The following RAD51AP1 variants were observed in gnomAD, a reference collection of about 807,000 sequenced individuals.
The protein encoded by RAD51AP1 is RAD51-associated protein 1.
In RAD51AP1, 14 loss-of-function variants were observed where a neutral mutation model predicts 34.3. The observed-to-expected ratio is 0.41, with a 90% CI of 0.27 to 0.64. The LOEUF (loss-of-function observed/expected upper bound fraction) is 0.64. Ranked by LOEUF, RAD51AP1 falls within the 30% of genes least tolerant of loss-of-function variation. The pLI is 0.33. For missense variants in RAD51AP1, 348 were observed against 386.9 expected (o/e 0.90, Z 0.84); for synonymous variants, 114 against 129.8 (o/e 0.88, Z 0.83).
At chr12:4,544,632 A>G (rs1031997218) in intron 3 of RAD51AP1, among the ~76,000 whole-genome samples, 32 of 151,936 alleles carry the variant, frequency 2.1e-4, no homozygotes, top group African/African-American at 7.5e-4. Context: ...ATTACATTTT[A>G]AATATATAGA....
intron 3 of RAD51AP1, 120 bp downstream of exon 3, chr12:4,544,024 G>T: frequency 1.3e-6 from 1 of 753,492 alleles, no homozygotes; most frequent in East Asian, 3.1e-5. Context: ...TATTTTACTA[G>T]GTGCAGTCAG....
At chr12:4,552,768 C>G (rs1448508034) in intron 6 of RAD51AP1, among the ~76,000 whole-genome samples, 1 of 152,104 alleles carries the variant, frequency 6.6e-6, no homozygotes, top group Non-Finnish European at 1.5e-5. Context: ...ACAGTTATCC[C>G]CATTTTCTAG....
chr12:4,550,744 A>G (rs867372282), intron 6 of RAD51AP1, among the ~76,000 whole-genome samples: 3 of 151,950 alleles, frequency 2.0e-5, no homozygotes, highest in South Asian at 2.1e-4. Context: ...GGTTCAAGCA[A>G]TTCTTGTGTC....
At chr12:4,553,848 G>A (rs1238193359) in intron 7 of RAD51AP1, among the ~76,000 whole-genome samples, 1 of 152,002 alleles carries the variant, frequency 6.6e-6, no homozygotes, top group East Asian at 1.9e-4. Context: ...TCATTTTTAT[G>A]TCTTGGTTTA....
At chr12:4,548,558 T>C (rs1178348246) in intron 5 of RAD51AP1, 129 bp from the exon 6 acceptor site, 7 of 1,104,626 alleles carry the variant, frequency 6.3e-6, no homozygotes, top group Non-Finnish European at 9.1e-6. Flanking sequence ...TAATAGTCTA[T>C]TACTGGAAGC....
rs778235992 is a variant in RAD51AP1 at position 4,543,838 on chromosome 12, CA to C, written c.147del (p.Lys49AsnfsTer4). On this transcript the variant is annotated frameshift_variant, in exon 3 of 9. Transcript: ENST00000352618. LOFTEE classifies it high-confidence loss of function. Reference sequence around the variant, plus strand: ...CCAAAGGAGTTAAAACAAGATAAACCAAAACCTAACTTGAACAATCTCCGGA... The same window carrying C: ...CCAAAGGAGTTAAAACAAGATAAACCAAACCTAACTTGAACAATCTCCGGA... The part of the protein sequence containing the change: ...TAPKELKQDK[P>X]KPNLNNLRKE... 9 of 1,611,890 alleles carry C rather than the reference CA, an allele frequency of 5.6e-6. No individual in the cohort carries two copies. The highest frequency in any genetic ancestry group is 7.6e-6 in the Non-Finnish European group (9 of 1,178,578).
In RAD51AP1 at chr12:4,546,434, G is replaced by A. The variant is rs766409104; in HGVS notation, c.319+16G>A. ...CAAGATAAAAGTAACTTTATTTTCT[G>A]TATATTTAGCTTTAAAACCTTCTTA... is the stretch of plus-strand genomic sequence containing the variant. On this transcript the variant is annotated intron_variant, in intron 4 of 8. Coordinates refer to ENST00000352618, the MANE Select transcript of RAD51AP1 (RefSeq NM_006479.5). 4 of 1,557,526 alleles carry A rather than the reference G, an allele frequency of 2.6e-6. No individual in the cohort carries two copies. The highest frequency in any genetic ancestry group is 1.4e-5 in the African/African-American group (1 of 73,438).
intron 1 of RAD51AP1, among the ~76,000 whole-genome samples, chr12:4,539,167 C>T (rs1288071489): frequency 6.6e-6 from 1 of 152,202 alleles, no homozygotes; most frequent in African/African-American, 2.4e-5. Context: ...CCCTTCACAA[C>T]CGTCGCCGTT....
intron 6 of RAD51AP1, among the ~76,000 whole-genome samples, chr12:4,550,031 T>A (rs1164273906): frequency 6.6e-6 from 1 of 152,198 alleles, no homozygotes; most frequent in Non-Finnish European, 1.5e-5. Context: ...TGTGTGACCT[T>A]CATTAGGGAA....
intron 6 of RAD51AP1, among the ~76,000 whole-genome samples, chr12:4,552,162 T>TA (rs1944551513): frequency 6.6e-6 from 1 of 152,194 alleles, no homozygotes; most frequent in Admixed American, 6.5e-5. Context: ...TCCATAATAT[T>TA]AAAAATGTAA....
At chr12:4,544,099 G>C (rs949358491) in intron 3 of RAD51AP1, among the ~76,000 whole-genome samples, 195 bp downstream of exon 3, 7 of 152,112 alleles carry the variant, frequency 4.6e-5, no homozygotes, top group Non-Finnish European at 1.0e-4. Flanking sequence ...ATTCAAGGAA[G>C]TATCATTAAA....
intron 6 of RAD51AP1, among the ~76,000 whole-genome samples, chr12:4,552,724 T>C (rs1001941104): frequency 1.3e-5 from 2 of 152,236 alleles, no homozygotes; most frequent in African/African-American, 4.8e-5. Context: ...TATTAACTCA[T>C]TTAATCCACG....
At position 4,558,858 on chromosome 12, in the gene RAD51AP1, G is replaced by A. The variant is rs535020319; in HGVS notation, c.873G>A (p.Ala291=). 4.3e-5 allele frequency: 69 copies of A among 1,613,528 alleles called. 1 individual carries two copies. Among genetic ancestry groups the A allele is most frequent in the Admixed American group, 5.0e-5 (3 of 59,946 alleles). The change falls in exon 9 of 9, where the codon GCG becomes GCA. Residue 291 remains alanine (A), a splice_region_variant and synonymous_variant. Coordinates refer to ENST00000352618, the MANE Select transcript of RAD51AP1 (RefSeq NM_006479.5). ...ESKKPKWVPP[A]ASGGSRSSSS... is the part of the protein sequence containing the mutation. Reference sequence around the variant, plus strand: ...ATCACATCATATGTTTCCTTTCAGCGGCATCTGGAGGTAGCAGAAGTAGCA... The same window carrying A: ...ATCACATCATATGTTTCCTTTCAGCAGCATCTGGAGGTAGCAGAAGTAGCA...
chr12:4,558,742 A>G (rs561021443), intron 8 of RAD51AP1, 115 bp from the exon 9 acceptor site: 2 of 1,223,524 alleles, frequency 1.6e-6, no homozygotes, highest in East Asian at 5.0e-5. Flanking sequence ...TGCTTGATAG[A>G]CACTGGAAAG....
intron 5 of RAD51AP1, 36 bp from the exon 6 acceptor site, chr12:4,548,651 G>C (rs1400266352): frequency 6.3e-7 from 1 of 1,599,872 alleles, no homozygotes; most frequent in Admixed American, 1.7e-5. Context: ...AGTTGTCACA[G>C]AAAGTTTTCC....
In RAD51AP1 at chr12:4,543,857, T is replaced by G; in HGVS notation, c.162T>G (p.Asn54Lys). The G allele has an allele frequency of 6.2e-7, 1 of 1,612,458 alleles. No homozygotes were observed. Among genetic ancestry groups the G allele is most frequent in the Non-Finnish European group, 8.5e-7 (1 of 1,179,108 alleles). ...ATAAACCAAAACCTAACTTGAACAA[T>G]CTCCGGAAAGAAGAAATCCCAGTAC... ...KQDKPKPNLN[N>K]LRKEEIPVQE... Residue 54 changes from asparagine to lysine, a missense_variant, in exon 3 of 9, where the codon AAT becomes AAG. Asn to Lys is a moderately conservative substitution (Grantham distance 94). Transcript: ENST00000352618.
chr12:4,556,465 T>C lies in RAD51AP1; in HGVS notation c.834T>C (p.Pro278=). 6.2e-7 allele frequency: 1 copy of C among 1,613,714 alleles called. No homozygotes were observed. Among genetic ancestry groups the C allele is most frequent in the Non-Finnish European group, 8.5e-7 (1 of 1,179,636 alleles). Residue 278 remains proline (P), a synonymous_variant, in exon 8 of 9, where the codon CCT becomes CCC. Coordinates refer to ENST00000352618, the MANE Select transcript of RAD51AP1 (RefSeq NM_006479.5). ...TTRKPLEIRS[P]SAESKKPKWV... is the part of the protein sequence containing the mutation. ...GGAAACCATTAGAAATACGCAGTCC[T>C]TCAGCTGAAAGCAAGAAACCTAAAT...
At chr12:4,554,983 G>A (rs924029161) in intron 7 of RAD51AP1, among the ~76,000 whole-genome samples, 4 of 152,140 alleles carry the variant, frequency 2.6e-5, no homozygotes, top group African/African-American at 9.7e-5. Context: ...CTACCATATT[G>A]GACAGCACAA....
chr12:4,543,243 T>A (rs1467593063), intron 2 of RAD51AP1, among the ~76,000 whole-genome samples: 3 of 152,128 alleles, frequency 2.0e-5, no homozygotes, highest in Non-Finnish European at 4.4e-5. Flanking sequence ...TATTTTTTAG[T>A]AGAGACAGGG....
Sources: allele counts gnomAD v4.1 joint callset (sites outside exome capture counted in the v4.1 genomes callset), GRCh38; gene constraint gnomAD v4.1.1; transcripts MANE v1.5; gene names NCBI Gene and HGNC (gene_info 2026-07-23, HGNC 2026-07-21).